The following SORCS2 variants were observed in gnomAD, a reference collection of about 807,000 sequenced individuals.
SORCS2 encodes the protein sortilin related VPS10 domain containing receptor 2, also known as VPS10 domain-containing receptor SorCS2.
A neutral mutation model predicts 141.6 loss-of-function variants in SORCS2; 100 were observed. The observed-to-expected ratio is 0.71, with a 90% CI of 0.60 to 0.83. The LOEUF (loss-of-function observed/expected upper bound fraction) is 0.83. Among genes scored for constraint, SORCS2 ranks in the 40% least tolerant of loss-of-function variants. The pLI is 0.00. For missense variants in SORCS2, 1,646 were observed against 1,560.2 expected (o/e 1.05, Z -0.93); for synonymous variants, 789 against 676.9 (o/e 1.17, Z -2.57).
At chr4:7,269,944 A>G (rs1016375864) in intron 1 of SORCS2, among the ~76,000 whole-genome samples, 9 of 152,162 alleles carry the variant, frequency 5.9e-5, no homozygotes, top group African/African-American at 1.9e-4. Flanking sequence ...CAGTGGCGAG[A>G]TCTTGGCTCA....
intron 2 of SORCS2, among the ~76,000 whole-genome samples, chr4:7,447,478 C>A (rs1452203218): frequency 6.6e-6 from 1 of 152,206 alleles, no homozygotes; most frequent in East Asian, 1.9e-4. Flanking sequence ...CCAGGGTTGA[C>A]CTGAATTTAC....
intron 3 of SORCS2, among the ~76,000 whole-genome samples, chr4:7,565,276 T>A (rs1011467791): frequency 1.3e-5 from 2 of 152,156 alleles, no homozygotes; most frequent in Non-Finnish European, 2.9e-5. Context: ...GCTCCTGGGC[T>A]CAGAAGTGAG....
At chr4:7,323,042 T>C (rs909778744) in intron 1 of SORCS2, among the ~76,000 whole-genome samples, 1 of 152,168 alleles carries the variant, frequency 6.6e-6, no homozygotes, top group Non-Finnish European at 1.5e-5. Flanking sequence ...TTATCACACA[T>C]AGGAAATGCC....
At chr4:7,569,387 C>G (rs1029983132) in intron 3 of SORCS2, among the ~76,000 whole-genome samples, 1 of 152,290 alleles carries the variant, frequency 6.6e-6, no homozygotes, top group African/African-American at 2.4e-5. Context: ...TGGGGCACAC[C>G]TGTAATCCCA....
At chr4:7,333,918 G>A (rs1577411142) in intron 1 of SORCS2, among the ~76,000 whole-genome samples, 1 of 152,210 alleles carries the variant, frequency 6.6e-6, no homozygotes, top group Non-Finnish European at 1.5e-5. Context: ...GAAGAAGGCA[G>A]GGCTGGCCTC....
intron 3 of SORCS2, among the ~76,000 whole-genome samples, chr4:7,594,665 G>T (rs1214902049): frequency 6.6e-6 from 1 of 152,122 alleles, no homozygotes; most frequent in Non-Finnish European, 1.5e-5. Flanking sequence ...GTCAAGAGGG[G>T]CTTCCTCTTC....
chr4:7,477,340 G>T (rs1406694108), intron 2 of SORCS2, among the ~76,000 whole-genome samples: 1 of 147,004 alleles, frequency 6.8e-6, no homozygotes, highest in Non-Finnish European at 1.5e-5. Context: ...GGCTGTCCAG[G>T]ACTGACCACA....
chr4:7,703,608 C>G (rs1725224291), intron 13 of SORCS2, among the ~76,000 whole-genome samples: 1 of 152,220 alleles, frequency 6.6e-6, no homozygotes, highest in African/African-American at 2.4e-5. Context: ...GGAGGCCCCA[C>G]CCCAGCCTGG....
At chr4:7,366,257 C>T (rs1721878153) in intron 1 of SORCS2, among the ~76,000 whole-genome samples, 1 of 151,942 alleles carries the variant, frequency 6.6e-6, no homozygotes, top group Non-Finnish European at 1.5e-5. Context: ...TCCTCTCTCT[C>T]TCTCAGTCCT....
chr4:7,603,449 T>C (rs1453520953), intron 3 of SORCS2, among the ~76,000 whole-genome samples: 1 of 152,238 alleles, frequency 6.6e-6, no homozygotes, highest in African/African-American at 2.4e-5. Context: ...AGCTGTACCA[T>C]ATCACTCAAG....
chr4:7,304,008 A>G (rs913520919), intron 1 of SORCS2, among the ~76,000 whole-genome samples: 1 of 152,242 alleles, frequency 6.6e-6, no homozygotes, highest in Non-Finnish European at 1.5e-5. Context: ...AGCAGGTGCT[A>G]TTGTCAGCCT....
intron 4 of SORCS2, among the ~76,000 whole-genome samples, chr4:7,647,443 C>T (rs553983703): frequency 2.0e-5 from 3 of 152,282 alleles, no homozygotes; most frequent in South Asian, 4.1e-4. Flanking sequence ...TCACTGTCAG[C>T]GTCACGGGTG....
rs576845489 is a variant in SORCS2, at chr4:7,275,616, C to T, written c.480+82490C>T. 3.3e-5 allele frequency among the ~76,000 whole-genome samples: 5 copies of T among 152,272 alleles called. No homozygotes were observed. In the East Asian group the frequency reaches 9.6e-4, roughly 29 times the overall value. Reference sequence around the variant, plus strand: ...AGGCCAGACTTTCAGCTGTCACTTCCTGTTGCTGCTTGTGTACCTGGTTCT... The same window carrying T: ...AGGCCAGACTTTCAGCTGTCACTTCTTGTTGCTGCTTGTGTACCTGGTTCT... On this transcript the variant is annotated intron_variant, in intron 1 of 26. Transcript: ENST00000507866.
chr4:7,562,820 G>T (rs1243918528), intron 3 of SORCS2, among the ~76,000 whole-genome samples: 1 of 152,138 alleles, frequency 6.6e-6, no homozygotes, highest in African/African-American at 2.4e-5. Context: ...CATCTCTGCA[G>T]CTGCCTTTTT....
intron 1 of SORCS2, among the ~76,000 whole-genome samples, chr4:7,383,612 C>T (rs55924736): frequency 1.3e-4 from 20 of 152,090 alleles, no homozygotes; most frequent in African/African-American, 3.4e-4. Flanking sequence ...CTTTTTATGT[C>T]GAAAGACGCT....
At chr4:7,705,512 C>A (rs114240500) in intron 14 of SORCS2, among the ~76,000 whole-genome samples, 203 of 152,364 alleles carry the variant, frequency 1.3e-3, no homozygotes, top group African/African-American at 4.6e-3. Context: ...ACTTTGAACA[C>A]CTTGTCCTCT....
At chr4:7,501,316 C>G (rs1731964280) in intron 2 of SORCS2, among the ~76,000 whole-genome samples, 1 of 150,712 alleles carries the variant, frequency 6.6e-6, no homozygotes, top group African/African-American at 2.5e-5. Context: ...CAATCCTGAG[C>G]TTTTTATTGT....
chr4:7,629,917 G>T (rs190705984), intron 3 of SORCS2, among the ~76,000 whole-genome samples: 1 of 152,230 alleles, frequency 6.6e-6, no homozygotes, highest in East Asian at 1.9e-4. Flanking sequence ...GTGTGCTCTT[G>T]TATTTCCCCG....
intron 3 of SORCS2, among the ~76,000 whole-genome samples, chr4:7,621,238 T>C (rs1719151946): frequency 6.6e-6 from 1 of 152,182 alleles, no homozygotes; most frequent in Admixed American, 6.5e-5. Context: ...GGGTCTTTCC[T>C]GGGTTCCGAA....
Sources: allele counts gnomAD v4.1 joint callset (sites outside exome capture counted in the v4.1 genomes callset), GRCh38; gene constraint gnomAD v4.1.1; transcripts MANE v1.5; gene names NCBI Gene and HGNC (gene_info 2026-07-23, HGNC 2026-07-21).